The following RANBP2 variants were observed in gnomAD, a reference collection of about 807,000 sequenced individuals.
RANBP2 encodes the protein E3 SUMO-protein ligase RanBP2.
Under a neutral mutation model 303.6 loss-of-function variants are expected in RANBP2, and 57 were observed. The ratio of observed to expected loss-of-function variants is 0.19; its 90% CI spans 0.15 to 0.23. RANBP2 has a LOEUF of 0.23. Ranked by LOEUF, RANBP2 falls within the 10% of genes least tolerant of loss-of-function variation. RANBP2 has a pLI of 1.00. For synonymous variants in RANBP2, 1,167 were observed against 1,301.5 expected (o/e 0.90, Z 2.23); for missense variants, 3,138 against 3,780.8 (o/e 0.83, Z 4.46).
intron 1 of RANBP2, among the ~76,000 whole-genome samples, chr2:108,728,796 C>G (rs1156559501): frequency 6.6e-6 from 1 of 152,110 alleles, no homozygotes; most frequent in Non-Finnish European, 1.5e-5. Flanking sequence ...AGGCACCCAC[C>G]ATCATGCCTG....
At chr2:109,257,511 G>A in the RANBP2 span, among the ~76,000 whole-genome samples, 1 of 152,176 alleles carries the variant, frequency 6.6e-6, no homozygotes, top group Non-Finnish European at 1.5e-5. Flanking sequence ...GGCACACCAA[G>A]AGTCTGGCTG....
chr2:109,469,448 T>G, the RANBP2 span, among the ~76,000 whole-genome samples: 3 of 152,218 alleles, frequency 2.0e-5, no homozygotes, highest in Admixed American at 2.0e-4. Context: ...AGGAAGGGTT[T>G]GACAGTAATG....
the RANBP2 span, among the ~76,000 whole-genome samples, chr2:109,123,460 A>T: frequency 6.7e-6 from 1 of 150,042 alleles, no homozygotes; most frequent in African/African-American, 2.5e-5. Context: ...TCCTCCATGG[A>T]TGAAAGCATT....
At chr2:109,568,060 T>C in the RANBP2 span, 2 of 1,083,244 alleles carry the variant, frequency 1.8e-6, no homozygotes, top group Non-Finnish European at 2.6e-6. Flanking sequence ...AAACTGTTCA[T>C]TCTGACAATG....
At chr2:109,262,700 A>G in the RANBP2 span, among the ~76,000 whole-genome samples, 4 of 152,158 alleles carry the variant, frequency 2.6e-5, no homozygotes, top group Non-Finnish European at 4.4e-5. Context: ...TTATCAGGAG[A>G]TAATTCTTTA....
At chr2:109,644,911 C>T in the RANBP2 span, among the ~76,000 whole-genome samples, 2 of 152,210 alleles carry the variant, frequency 1.3e-5, no homozygotes, top group Non-Finnish European at 2.9e-5. Flanking sequence ...CAACAATAAC[C>T]ACTCTGGTGA....
chr2:108,775,614 T>C, intron 23 of RANBP2, 118 bp from the exon 24 acceptor site: 1 of 978,878 alleles, frequency 1.0e-6, no homozygotes, highest in Non-Finnish European at 1.6e-6. Flanking sequence ...GGGTGAAGTG[T>C]GTTTATTCTA....
chr2:109,553,155 C>T, the RANBP2 span: 1 of 1,614,112 alleles, frequency 6.2e-7, no homozygotes. Context: ...TGTTTCATTT[C>T]TTCTTCCTTC....
the RANBP2 span, among the ~76,000 whole-genome samples, chr2:109,354,665 G>A: frequency 6.6e-6 from 1 of 152,192 alleles, no homozygotes. Flanking sequence ...GGTGTCAAAG[G>A]GCAGTGTGCT....
the RANBP2 span, among the ~76,000 whole-genome samples, chr2:109,054,188 C>T: frequency 6.6e-6 from 1 of 152,136 alleles, no homozygotes; most frequent in East Asian, 1.9e-4. Flanking sequence ...GGTAAAAACC[C>T]CTTCCCTCGT....
At chr2:109,449,449 C>G in the RANBP2 span, 2 of 1,613,894 alleles carry the variant, frequency 1.2e-6, no homozygotes, top group Non-Finnish European at 1.7e-6. Flanking sequence ...TCCAGCCCCA[C>G]CAACACGGGA....
At chr2:109,024,019 G>A in the RANBP2 span, among the ~76,000 whole-genome samples, 1 of 152,024 alleles carries the variant, frequency 6.6e-6, no homozygotes, top group Admixed American at 6.6e-5. Context: ...TCCACCTCCC[G>A]GGTTGAAGCG....
chr2:109,217,349 A>G, the RANBP2 span, among the ~76,000 whole-genome samples: 19 of 152,220 alleles, frequency 1.2e-4, no homozygotes, highest in Non-Finnish European at 2.6e-4. Flanking sequence ...TTGGAACTGC[A>G]CTTACCATAT....
At chr2:108,760,213 G>C (rs2557908) in intron 18 of RANBP2, among the ~76,000 whole-genome samples, 1 of 152,164 alleles carries the variant, frequency 6.6e-6, no homozygotes, top group African/African-American at 2.4e-5. Flanking sequence ...AAAACTAAAA[G>C]CTAACCACCT....
chr2:108,734,208 TTAAG>T (rs1210200376), intron 4 of RANBP2, among the ~76,000 whole-genome samples: 1 of 150,554 alleles, frequency 6.6e-6, no homozygotes, highest in Non-Finnish European at 1.5e-5. Context: ...AAAGACGAGT[TTAAG>T]TAGGTAAGGT....
the RANBP2 span, among the ~76,000 whole-genome samples, chr2:108,966,323 G>A: frequency 6.6e-6 from 1 of 152,178 alleles, no homozygotes; most frequent in Admixed American, 6.5e-5. Flanking sequence ...ATGAACTTTG[G>A]GTGAAGGGTT....
At chr2:109,717,752 T>A in the RANBP2 span, among the ~76,000 whole-genome samples, 1 of 147,930 alleles carries the variant, frequency 6.8e-6, no homozygotes, top group African/African-American at 2.5e-5. Flanking sequence ...CATCTCTACT[T>A]AAAATACAAA....
chr2:109,680,364 C>G, the RANBP2 span, among the ~76,000 whole-genome samples: 2 of 148,784 alleles, frequency 1.3e-5, no homozygotes, highest in Non-Finnish European at 3.0e-5. Flanking sequence ...GAGCGAGACT[C>G]TGTCTCAAAA....
the RANBP2 span, among the ~76,000 whole-genome samples, chr2:108,936,307 C>T: frequency 3.3e-5 from 5 of 152,360 alleles, no homozygotes; most frequent in South Asian, 1.0e-3. Flanking sequence ...CTCCAGCGTG[C>T]TTACCTGGCC....
Sources: gnomAD v4.1 joint callset for allele counts (sites outside exome capture counted in the v4.1 genomes callset) on GRCh38, gnomAD v4.1.1 for gene constraint, MANE v1.5 for transcripts, NCBI Gene and HGNC (gene_info 2026-07-23, HGNC 2026-07-21) for gene names.